Variants in RBM26 observed in about 807,000 individuals in gnomAD.
RBM26 encodes the protein RNA binding motif protein 26.
Under a neutral mutation model 123.6 loss-of-function variants are expected in RBM26, and 30 were observed. That is an observed-to-expected ratio of 0.24 (90% confidence interval 0.18 to 0.33). The LOEUF (loss-of-function observed/expected upper bound fraction) is 0.33. RBM26 is among the 10% of genes least tolerant of loss of function. The pLI, the probability that RBM26 is intolerant of heterozygous loss-of-function variation, is 1.00. For synonymous variants in RBM26, 400 were observed against 404.4 expected (o/e 0.99, Z 0.13); for missense variants, 947 against 1,203.6 (o/e 0.79, Z 3.15).
At chr13:79,374,169 T>C (rs2076429187) in intron 3 of RBM26, among the ~76,000 whole-genome samples, 1 of 151,918 alleles carries the variant, frequency 6.6e-6, no homozygotes, top group South Asian at 2.1e-4. Context: ...CTTCTGACTG[T>C]CAGAATGTAC....
intron 1 of RBM26, among the ~76,000 whole-genome samples, chr13:79,386,417 T>C (rs993430174): frequency 7.6e-6 from 1 of 132,342 alleles, no homozygotes; most frequent in Non-Finnish European, 1.6e-5. Flanking sequence ...CTAAATTAAA[T>C]AAAAAAAAAA....
At chr13:79,380,858 G>A (rs1396114554) in intron 1 of RBM26, among the ~76,000 whole-genome samples, 1 of 152,042 alleles carries the variant, frequency 6.6e-6, no homozygotes, top group African/African-American at 2.4e-5. Context: ...CCATATATGA[G>A]TGGTAACATA....
Position 79,371,902 on chromosome 13 carries a change from T to G in RBM26, c.356A>C (p.Lys119Thr), listed in dbSNP as rs769032645. The G allele has an allele frequency of 6.2e-7, 1 of 1,611,592 alleles. No individual in the cohort carries two copies. Among genetic ancestry groups the G allele is most frequent in the Non-Finnish European group, 8.5e-7 (1 of 1,178,370 alleles). Residue 119 changes from lysine (K) to threonine (T), a missense_variant, in exon 4 of 22, where the codon AAG (lysine) becomes ACG (threonine). Lys to Thr is a moderately conservative substitution (Grantham distance 78). Coordinates refer to ENST00000438737, the MANE Select transcript of RBM26 (RefSeq NM_001366735.2). ...ACTGTGATTTAGCCTTCTAGAAAAC[T>G]TCTTCTCTCGCTCTTCCTCCTTAGT... ...EITKEEEREK[K>T]FSRRLNHSPP... is the part of the protein sequence containing the mutation.
intron 14 of RBM26, among the ~76,000 whole-genome samples, chr13:79,347,797 A>G (rs1484002150): frequency 8.0e-6 from 1 of 125,478 alleles, no homozygotes; most frequent in East Asian, 3.0e-4. Context: ...GAGTCTCTCC[A>G]GTACAATACT....
chr13:79,367,607 G>A (rs1182095279), intron 6 of RBM26, among the ~76,000 whole-genome samples: 1 of 151,404 alleles, frequency 6.6e-6, no homozygotes, highest in Non-Finnish European at 1.5e-5. Flanking sequence ...AAAGAGCATG[G>A]CACCTCCCCC....
intron 20 of RBM26, among the ~76,000 whole-genome samples, chr13:79,332,943 AC>A (rs2069677799): frequency 6.6e-6 from 1 of 152,208 alleles, no homozygotes; most frequent in Non-Finnish European, 1.5e-5. Flanking sequence ...TAATAAATCC[AC>A]AAATTTGGCA....
Position 79,325,103 on chromosome 13 carries a change from C to T in RBM26, c.2821-2641G>A, listed in dbSNP as rs531186538. On this transcript the variant is annotated intron_variant, in intron 20 of 21. Transcript: ENST00000438737. ...CATGGTGATACTGGTGTAAACAAAC[C>T]GATTGTGCTGCCAGTCCAGTCATAT... Among the ~76,000 whole-genome samples, 12 of 152,094 alleles carry T rather than the reference C, an allele frequency of 7.9e-5. No homozygotes were observed. The South Asian group carries it at 1.0e-3, about 13-fold the overall frequency.
chr13:79,383,105 TAATC>T (rs2077203048), intron 1 of RBM26, among the ~76,000 whole-genome samples: 1 of 1,004 alleles, frequency 1.0e-3, no homozygotes, highest in Non-Finnish European at 3.1e-3. Flanking sequence ...TTTTTTAAAA[TAATC>T]AGAGGCCTCC....
chr13:79,370,675 A>G (rs1170898559), intron 5 of RBM26, among the ~76,000 whole-genome samples: 1 of 152,212 alleles, frequency 6.6e-6, no homozygotes, highest in African/African-American at 2.4e-5. Context: ...ATGTTTTCCA[A>G]AGAGTTTCAG....
At chr13:79,389,010 CT>C (rs1338905125) in intron 1 of RBM26, among the ~76,000 whole-genome samples, 1 of 152,118 alleles carries the variant, frequency 6.6e-6, no homozygotes, top group African/African-American at 2.4e-5. Flanking sequence ...CATTCAAACA[CT>C]TTTCATTTAT....
At chr13:79,395,079 G>C (rs768187128) in intron 1 of RBM26, among the ~76,000 whole-genome samples, 2 of 152,154 alleles carry the variant, frequency 1.3e-5, no homozygotes, top group Non-Finnish European at 2.9e-5. Context: ...CAAAAAAAAG[G>C]CATGCCCCCT....
chr13:79,319,355 C>G lies in RBM26; in HGVS notation c.*1266G>C, dbSNP rs967084331. On this transcript the variant is annotated 3_prime_UTR_variant, in exon 22 of 22. Coordinates refer to ENST00000438737, the MANE Select transcript of RBM26 (RefSeq NM_001366735.2). ...ATTTGAAAATATAAATATGTAATCT[C>G]CCACCCCCATTCTACAAAGAATGCA... The G allele has an allele frequency of 1.0e-6, 1 of 983,398 alleles. No individual in the cohort carries two copies. Among genetic ancestry groups the G allele is most frequent in the African/African-American group, 1.8e-5 (1 of 57,080 alleles). The allele number at this position is 983,398 out of a possible 1,614,324, so 60.9% of individuals were successfully genotyped here.
In RBM26 at chr13:79,377,462, G is replaced by A; in HGVS notation, c.244C>T (p.Leu82=). 9 of 1,612,622 alleles carry A rather than the reference G, an allele frequency of 5.6e-6. No homozygotes were observed. Among genetic ancestry groups the A allele is most frequent in the Non-Finnish European group, 7.6e-6 (9 of 1,178,746 alleles). Residue 82 remains leucine (L), a synonymous_variant, in exon 3 of 22, where the codon CTA becomes TTA. Coordinates refer to ENST00000438737, the MANE Select transcript of RBM26 (RefSeq NM_001366735.2). ...GATGATGGCTGCTCTGGAGGAGGTA[G>A]GTAACTCTTTGTATTCACAGCATCA... ...LFDAVNTKSY[L]PPPEQPSSGS... is the part of the protein sequence containing the mutation.
At chr13:79,392,476 G>A (rs925411410) in intron 1 of RBM26, among the ~76,000 whole-genome samples, 26 of 144,460 alleles carry the variant, frequency 1.8e-4, no homozygotes, top group African/African-American at 6.6e-4. Flanking sequence ...TATATGTAAT[G>A]GTTACATCAT....
At chr13:79,343,938 G>A (rs189881780) in intron 16 of RBM26, among the ~76,000 whole-genome samples, 2 of 151,964 alleles carry the variant, frequency 1.3e-5, no homozygotes, top group Non-Finnish European at 2.9e-5. Context: ...AGGATCCTAA[G>A]CTAGTGAAGA....
At chr13:79,375,081 TATATAAATATATATTTATATATATC>T (rs1555332779) in intron 3 of RBM26, among the ~76,000 whole-genome samples, 23 of 104,366 alleles carry the variant, frequency 2.2e-4, no homozygotes, top group African/African-American at 6.7e-4. Context: ...TTATATGATA[TATATAAATATATATTTATATATATC>T]ATATAAATAT....
intron 14 of RBM26, among the ~76,000 whole-genome samples, chr13:79,345,020 A>G (rs2072073817): frequency 6.6e-6 from 1 of 152,048 alleles, no homozygotes; most frequent in Non-Finnish European, 1.5e-5. Context: ...ATACCTATAG[A>G]AAAAAAAGTA....
chr13:79,368,021 A>AT lies in RBM26; in HGVS notation c.895+708dup, dbSNP rs1449747183. Among the ~76,000 whole-genome samples, 40 of 4,790 alleles carry AT rather than the reference A, an allele frequency of 8.4e-3. No individual in the cohort carries two copies. The South Asian group carries it at 0.14, about 17-fold the overall frequency. 3.1% of individuals were successfully genotyped at this position (4,790 alleles called of 152,430 possible). ...TCCTTAAAAGTCTTCAATTCTTTTT[A>AT]TTTTTTTATTTTTATTTTTTTTGAG... On this transcript the variant is annotated intron_variant, in intron 6 of 21. Transcript: ENST00000438737.
At chr13:79,368,657 T>C in intron 6 of RBM26, 73 bp downstream of exon 6, 1 of 1,435,624 alleles carries the variant, frequency 7.0e-7, no homozygotes, top group Non-Finnish European at 9.6e-7. Context: ...AATAACTATG[T>C]ACAACATAAA....
Sources: allele counts gnomAD v4.1 joint callset (sites outside exome capture counted in the v4.1 genomes callset), GRCh38; gene constraint gnomAD v4.1.1; transcripts MANE v1.5; gene names NCBI Gene and HGNC (gene_info 2026-07-23, HGNC 2026-07-21).